Variants in ZNF280D observed in about 807,000 individuals in gnomAD.
The protein encoded by ZNF280D is zinc finger protein 280D, also known as suppressor of hairy wing homolog 4.
In ZNF280D, 39 loss-of-function variants were observed where a neutral mutation model predicts 94.7. That is an observed-to-expected ratio of 0.41 (90% CI 0.32 to 0.54). The LOEUF (loss-of-function observed/expected upper bound fraction) is 0.54, where lower values mean the gene tolerates loss of function less well. Ranked by LOEUF, ZNF280D falls within the 20% of genes least tolerant of loss-of-function variation. The pLI, the probability that ZNF280D is intolerant of heterozygous loss-of-function variation, is 0.22. For missense variants in ZNF280D, 1,090 were observed against 1,149.3 expected (o/e 0.95, Z 0.75); for synonymous variants, 398 against 377.6 (o/e 1.05, Z -0.63).
At chr15:56,652,058 C>T (rs774721793) in intron 19 of ZNF280D, among the ~76,000 whole-genome samples, 1 of 92,886 alleles carries the variant, frequency 1.1e-5, no homozygotes, top group Admixed American at 1.1e-4. Flanking sequence ...AAAAAAACAA[C>T]TAGTATATCA....
intron 1 of ZNF280D, among the ~76,000 whole-genome samples, chr15:56,710,008 A>T (rs1567021429): frequency 6.6e-6 from 1 of 152,168 alleles, no homozygotes; most frequent in African/African-American, 2.4e-5. Flanking sequence ...AAAGTATAAT[A>T]AAATAAATAA....
chr15:56,651,782 T>G (rs2053220888), intron 19 of ZNF280D, among the ~76,000 whole-genome samples: 1 of 152,198 alleles, frequency 6.6e-6, no homozygotes, highest in African/African-American at 2.4e-5. Flanking sequence ...TGTTATTTGT[T>G]ATTGTTTTTC....
In ZNF280D at chr15:56,666,857, T is replaced by C. The variant is rs1827419636; in HGVS notation, c.1675A>G (p.Lys559Glu). ...TKNITAKNPA[K>E]SNTSKPNTVK... The stretch of plus-strand genomic sequence containing the variant: ...GTATTAGGTTTACTTGTATTAGATT[T>C]TGCAGGATTTTTAGCAGTTATATTT... The change falls in exon 15 of 22, where the codon AAA (lysine) becomes GAA (glutamate). Residue 559 changes from lysine to glutamate, a missense_variant. Around this residue, in one of 3 missense-constraint regions of ZNF280D, gnomAD observed 577 missense variants for 568.8 expected, o/e 1.01. Transcript: ENST00000267807. The C allele has an allele frequency of 1.2e-6, 2 of 1,613,846 alleles. No individual in the cohort carries two copies. Among genetic ancestry groups the C allele is most frequent in the Admixed American group, 1.7e-5 (1 of 59,976 alleles).
At chr15:56,682,192 T>C in intron 10 of ZNF280D, 62 bp downstream of exon 10, 2 of 1,218,232 alleles carry the variant, frequency 1.6e-6, no homozygotes, top group Non-Finnish European at 2.3e-6. Flanking sequence ...AAAATAAAAG[T>C]ATAACATTTT....
chr15:56,657,275 T>C (rs1403703266), intron 17 of ZNF280D, among the ~76,000 whole-genome samples: 4 of 152,254 alleles, frequency 2.6e-5, no homozygotes, highest in South Asian at 2.1e-4. Context: ...TCTTTCAGTA[T>C]AGTAAAATTG....
chr15:56,713,076 A>G (rs1338621220), intron 1 of ZNF280D, among the ~76,000 whole-genome samples: 1 of 152,132 alleles, frequency 6.6e-6, no homozygotes, highest in Non-Finnish European at 1.5e-5. Context: ...AATCCCATAA[A>G]TTCAAGATAT....
intron 7 of ZNF280D, among the ~76,000 whole-genome samples, chr15:56,692,048 G>C (rs984509195): frequency 2.0e-5 from 3 of 152,068 alleles, no homozygotes; most frequent in Non-Finnish European, 4.4e-5. Context: ...TATACAGAAA[G>C]AATAGGAGTC....
chr15:56,685,141 A>C (rs2055911194), intron 9 of ZNF280D, among the ~76,000 whole-genome samples: 1 of 152,194 alleles, frequency 6.6e-6, no homozygotes, highest in Non-Finnish European at 1.5e-5. Flanking sequence ...AACTGTCTTT[A>C]CAGAATGGAC....
chr15:56,635,148 T>A, intron 21 of ZNF280D, 47 bp downstream of exon 21: 1 of 1,230,266 alleles, frequency 8.1e-7, no homozygotes. Context: ...TCAAGTGTTA[T>A]TTTGTATACT....
rs563331635 is a variant in ZNF280D at position 56,689,345 on chromosome 15, C to G, written c.625G>C (p.Val209Leu). 4 of 1,609,090 alleles carry G rather than the reference C, an allele frequency of 2.5e-6. No homozygotes were observed. The highest frequency in any genetic ancestry group is 1.7e-5 in the Admixed American group (1 of 59,222). The change falls in exon 8 of 22, where the codon GTT (valine) becomes CTT (leucine). Residue 209 changes from valine to leucine, a missense_variant. By Grantham distance (32) the Val-to-Leu change is conservative (BLOSUM62 1). This residue lies in a region of ZNF280D where 386 missense variants were observed against 372.0 expected (regional missense o/e 1.04). Transcript: ENST00000267807. ...GAAGAAGTCACTGAAGGAGATTTAA[C>G]TGAAGGTAATACAGCTGAGGAATTT... is the stretch of plus-strand genomic sequence containing the variant. ...GANSSAVLPS[V>L]KSPSVTSSQA...
chr15:56,717,387 G>C (rs573469277), intron 1 of ZNF280D, among the ~76,000 whole-genome samples: 21 of 152,142 alleles, frequency 1.4e-4, no homozygotes, highest in African/African-American at 4.1e-4. Flanking sequence ...TATTTATGGA[G>C]ATTTTAAAGT....
At position 56,701,008 on chromosome 15, in the gene ZNF280D, A is replaced by C; in HGVS notation, c.306T>G (p.Pro102=). 6.2e-7 allele frequency: 1 copy of C among 1,613,978 alleles called. No individual in the cohort carries two copies. The highest frequency in any genetic ancestry group is 8.5e-7 in the Non-Finnish European group (1 of 1,179,854). The change falls in exon 6 of 22, where the codon CCT becomes CCG. Residue 102 remains proline, a synonymous_variant. Transcript: ENST00000267807. The part of the protein sequence containing the change: ...HYTNPTSNPV[P]ASPINFHPES... ...CAGGATGAAAATTTATTGGTGAGGC[A>C]GGCACTGGATTTGATGTTGGATTCG...
At chr15:56,690,035 C>T (rs1047947365) in intron 7 of ZNF280D, among the ~76,000 whole-genome samples, 8 of 152,114 alleles carry the variant, frequency 5.3e-5, no homozygotes, top group East Asian at 1.9e-4. Flanking sequence ...TTCATCGCTA[C>T]GCAGAAAGTG....
At chr15:56,727,354 G>T (rs2058677362) in intron 1 of ZNF280D, among the ~76,000 whole-genome samples, 1 of 152,206 alleles carries the variant, frequency 6.6e-6, no homozygotes, top group Non-Finnish European at 1.5e-5. Flanking sequence ...AGCTACTCGG[G>T]AGGCTGAGGC....
At chr15:56,662,057 C>T (rs1178859691) in intron 16 of ZNF280D, among the ~76,000 whole-genome samples, 9 of 152,066 alleles carry the variant, frequency 5.9e-5, no homozygotes, top group Admixed American at 5.2e-4. Context: ...TAATAAAATA[C>T]ATGAACCTGG....
chr15:56,698,618 T>C (rs2056885640), intron 6 of ZNF280D: 1 of 152,214 alleles, frequency 6.6e-6, no homozygotes, highest in Non-Finnish European at 1.5e-5. Context: ...CCATTGAGTG[T>C]GGGCAGGACC....
At chr15:56,691,264 T>C (rs974874233) in intron 7 of ZNF280D, among the ~76,000 whole-genome samples, 1 of 152,168 alleles carries the variant, frequency 6.6e-6, no homozygotes, top group Admixed American at 6.5e-5. Context: ...CTCTCTTTCA[T>C]CCTTTTCAGA....
chr15:56,635,882 GAACTTTAC>G (rs1376180688), intron 20 of ZNF280D: 1 of 152,100 alleles, frequency 6.6e-6, no homozygotes, highest in African/African-American at 2.4e-5. Context: ...AGTATATTAA[GAACTTTAC>G]ATGCACTATC....
At chr15:56,648,625 A>C (rs1300704667) in intron 19 of ZNF280D, among the ~76,000 whole-genome samples, 2 of 152,150 alleles carry the variant, frequency 1.3e-5, no homozygotes, top group East Asian at 3.9e-4. Flanking sequence ...ATTATTTAAC[A>C]TATCTGTATC....
Sources: gnomAD v4.1 joint callset for allele counts (sites outside exome capture counted in the v4.1 genomes callset) on GRCh38, gnomAD v4.1.1 for gene constraint, gnomAD v4.1.1 regional missense constraint, MANE v1.5 for transcripts, NCBI Gene and HGNC (gene_info 2026-07-23, HGNC 2026-07-21) for gene names.